RSF1: variants seen among roughly 807,000 people sequenced by gnomAD.
RSF1 encodes the protein HBV pX-associated protein 8.
Under a neutral mutation model 145.2 loss-of-function variants are expected in RSF1, and 13 were observed. That is an observed-to-expected ratio of 0.09 (90% CI 0.06 to 0.14). RSF1 has a LOEUF of 0.14. Among genes scored for constraint, RSF1 ranks in the 10% least tolerant of loss-of-function variants. RSF1 has a pLI of 1.00. For missense variants in RSF1, 1,517 were observed against 1,718.2 expected (o/e 0.88, Z 2.07); for synonymous variants, 577 against 592.6 (o/e 0.97, Z 0.38).
At chr11:77,799,561 A>G (rs140523366) in intron 1 of RSF1, among the ~76,000 whole-genome samples, 298 of 151,640 alleles carry the variant, frequency 2.0e-3, no homozygotes, top group African/African-American at 6.8e-3. Flanking sequence ...AACCATCACC[A>G]CTACATAATT....
chr11:77,787,833 T>TAAAAAAAAAAAAA (rs57568918), intron 1 of RSF1, among the ~76,000 whole-genome samples: 11 of 129,490 alleles, frequency 8.5e-5, no homozygotes, highest in African/African-American at 2.4e-4. Flanking sequence ...TTCAGAACAG[T>TAAAAAAAAAAAAA]AAAAAAAAAA....
rs780968337 is a variant in RSF1, at chr11:77,701,236, C to G, written c.1993G>C (p.Asp665His). Reference sequence around the variant, plus strand: ...GAATCCTCTTTTAGGGTTTCTAGGTCTACTTTTTTCACAGACTGGCCACCA... The same window carrying G: ...GAATCCTCTTTTAGGGTTTCTAGGTGTACTTTTTTCACAGACTGGCCACCA... ...TVGGQSVKKV[D>H]LETLKEDSEF... Residue 665 changes from aspartate (D) to histidine (H), a missense_variant, in exon 6 of 16, where the codon GAC (aspartate) becomes CAC (histidine). Asp to His is a moderately conservative substitution (Grantham distance 81). Coordinates refer to ENST00000308488, the MANE Select transcript of RSF1 (RefSeq NM_016578.4). 6 of 1,613,966 alleles carry G rather than the reference C, an allele frequency of 3.7e-6. No individual in the cohort carries two copies. The African/African-American group carries it at 6.7e-5, about 18-fold the overall frequency.
chr11:77,857,101 T>A, the RSF1 span, among the ~76,000 whole-genome samples: 1 of 152,246 alleles, frequency 6.6e-6, no homozygotes, highest in Non-Finnish European at 1.5e-5. Context: ...AGGTTCTGCT[T>A]ACTGGCGTTG....
intron 1 of RSF1, among the ~76,000 whole-genome samples, chr11:77,814,449 TG>T (rs1406182064): frequency 3.3e-5 from 5 of 151,714 alleles, no homozygotes; most frequent in South Asian, 2.1e-4. Context: ...GCCCTAACTC[TG>T]GGGGGGAAAA....
intron 1 of RSF1, among the ~76,000 whole-genome samples, chr11:77,770,001 T>C (rs770478973): frequency 1.3e-5 from 2 of 152,216 alleles, no homozygotes; most frequent in African/African-American, 2.4e-5. Context: ...GGAGCAGTTT[T>C]AGCATAATGA....
intron 1 of RSF1, among the ~76,000 whole-genome samples, chr11:77,807,128 G>A (rs1374176001): frequency 1.3e-5 from 2 of 151,928 alleles, no homozygotes; most frequent in African/African-American, 4.8e-5. Context: ...TTCTCATATG[G>A]TCTTAAGTTC....
At chr11:77,814,570 C>A (rs558855677) in intron 1 of RSF1, among the ~76,000 whole-genome samples, 86 of 151,978 alleles carry the variant, frequency 5.7e-4, no homozygotes, top group Admixed American at 1.2e-3. Flanking sequence ...CTCGGTCTCC[C>A]GAGTAGCTGG....
At chr11:77,694,452 T>C (rs1273148615) in intron 7 of RSF1, among the ~76,000 whole-genome samples, 1 of 152,226 alleles carries the variant, frequency 6.6e-6, no homozygotes, top group Non-Finnish European at 1.5e-5. Context: ...CACTTAGTCT[T>C]ATAGTTGTTT....
chr11:77,758,694 G>A (rs1948140514), intron 2 of RSF1, among the ~76,000 whole-genome samples: 1 of 152,160 alleles, frequency 6.6e-6, no homozygotes, highest in South Asian at 2.1e-4. Context: ...AAGGACAAAT[G>A]ATGATGAACT....
intron 5 of RSF1, among the ~76,000 whole-genome samples, chr11:77,719,016 G>T (rs561607432): frequency 4.6e-5 from 7 of 152,096 alleles, no homozygotes; most frequent in Non-Finnish European, 8.8e-5. Flanking sequence ...TGGGAGATGG[G>T]GGGGAGGATT....
At chr11:77,686,389 CA>C (rs1960004582) in intron 9 of RSF1, among the ~76,000 whole-genome samples, 1 of 73,328 alleles carries the variant, frequency 1.4e-5, no homozygotes, top group Non-Finnish European at 2.9e-5. Flanking sequence ...GCCTGGGCAT[CA>C]AGAGTGAGAC....
the RSF1 span, among the ~76,000 whole-genome samples, chr11:77,828,440 G>C: frequency 6.6e-6 from 1 of 152,224 alleles, no homozygotes; most frequent in African/African-American, 2.4e-5. Context: ...GGCCGAGGCA[G>C]ATGGATCACA....
rs1299776042 is a variant in RSF1 at position 77,670,614 on chromosome 11, A to T, written c.3751+1428T>A. ...AGTGCTTGGAATAGGGCCTAGCTTAATAAATATTCATATTTAATGGCTTAA... is the reference window on the plus strand; with the variant it reads ...AGTGCTTGGAATAGGGCCTAGCTTATTAAATATTCATATTTAATGGCTTAA... On this transcript the variant is annotated intron_variant, in intron 15 of 15. Transcript: ENST00000308488. Among the ~76,000 whole-genome samples, 6 of 152,312 alleles carry T rather than the reference A, an allele frequency of 3.9e-5. No individual in the cohort carries two copies. The East Asian group carries it at 1.2e-3, about 29-fold the overall frequency.
intron 5 of RSF1, among the ~76,000 whole-genome samples, chr11:77,707,885 C>T (rs1212714830): frequency 6.6e-6 from 1 of 152,136 alleles, no homozygotes; most frequent in Non-Finnish European, 1.5e-5. Context: ...AATCCTAATT[C>T]ACATAAATAA....
At chr11:77,848,714 C>T in the RSF1 span, among the ~76,000 whole-genome samples, 1 of 152,188 alleles carries the variant, frequency 6.6e-6, no homozygotes, top group Admixed American at 6.5e-5. Context: ...CTTGTGTAGG[C>T]ACAGAGCTAT....
chr11:77,744,313 G>A (rs1028234409), intron 3 of RSF1, among the ~76,000 whole-genome samples: 1 of 152,020 alleles, frequency 6.6e-6, no homozygotes, highest in Non-Finnish European at 1.5e-5. Context: ...ACAGGCGTGA[G>A]CCACCCCGCC....
intron 4 of RSF1, among the ~76,000 whole-genome samples, chr11:77,728,921 G>A (rs1472233843): frequency 1.3e-5 from 2 of 151,982 alleles, no homozygotes; most frequent in African/African-American, 4.8e-5. Flanking sequence ...ATGGTGGCTT[G>A]GACAAGAATG....
At chr11:77,742,851 G>A (rs1424231964) in intron 3 of RSF1, among the ~76,000 whole-genome samples, 1 of 152,028 alleles carries the variant, frequency 6.6e-6, no homozygotes, top group African/African-American at 2.4e-5. Context: ...TTTGAATATT[G>A]AACTCTTTTA....
intron 1 of RSF1, among the ~76,000 whole-genome samples, chr11:77,766,314 A>T (rs1210072687): frequency 6.6e-6 from 1 of 152,172 alleles, no homozygotes; most frequent in East Asian, 1.9e-4. Flanking sequence ...GGAAATGATG[A>T]CCTAATATTT....
Sources: allele counts gnomAD v4.1 joint callset (sites outside exome capture counted in the v4.1 genomes callset), GRCh38; gene constraint gnomAD v4.1.1; transcripts MANE v1.5; gene names NCBI Gene and HGNC (gene_info 2026-07-23, HGNC 2026-07-21).